GNB4: variants seen among roughly 807,000 people sequenced by gnomAD.
The protein encoded by GNB4 is guanine nucleotide-binding protein subunit beta-4.
GNB4 carries 28 observed loss-of-function variants against 45.2 expected under a neutral mutation model. The observed-to-expected ratio is 0.62, with a 90% CI of 0.46 to 0.85. The LOEUF is 0.85. Ranked by LOEUF, GNB4 falls within the 40% of genes least tolerant of loss-of-function variation. The probability of loss-of-function intolerance (pLI) is 0.00; values close to 1 mark genes in which losing one functional copy is unlikely to be tolerated. For synonymous variants in GNB4, 132 were observed against 143.7 expected (o/e 0.92, Z 0.58); for missense variants, 321 against 425.4 (o/e 0.75, Z 2.16).
At chr3:179,485,356 A>G in the GNB4 span, among the ~76,000 whole-genome samples, 5 of 152,112 alleles carry the variant, frequency 3.3e-5, no homozygotes, top group African/African-American at 4.8e-5. Flanking sequence ...AATGAACTCA[A>G]TTGTACCTAT....
intron 1 of GNB4, among the ~76,000 whole-genome samples, chr3:179,447,231 C>A (rs1715755723): frequency 6.6e-6 from 1 of 151,440 alleles, no homozygotes; most frequent in Non-Finnish European, 1.5e-5. Flanking sequence ...ACCTGACATG[C>A]TGGACCTACA....
the GNB4 span, among the ~76,000 whole-genome samples, chr3:179,471,251 T>A: frequency 6.6e-6 from 1 of 152,154 alleles, no homozygotes; most frequent in Non-Finnish European, 1.5e-5. Context: ...TTTTATAAAT[T>A]TAGCGTAGCC....
chr3:179,447,683 G>C (rs1398004727), intron 1 of GNB4, among the ~76,000 whole-genome samples: 1 of 152,232 alleles, frequency 6.6e-6, no homozygotes, highest in African/African-American at 2.4e-5. Flanking sequence ...AATACAGTTT[G>C]ACACCAGGGT....
chr3:179,500,260 T>G, the GNB4 span, among the ~76,000 whole-genome samples: 1 of 152,254 alleles, frequency 6.6e-6, no homozygotes, highest in African/African-American at 2.4e-5. Flanking sequence ...AATTTTTGTA[T>G]AAGGTGTAAG....
chr3:179,419,877 T>C (rs1431418771), intron 3 of GNB4, among the ~76,000 whole-genome samples: 4 of 152,042 alleles, frequency 2.6e-5, no homozygotes, highest in South Asian at 2.1e-4. Context: ...AGAAAGCCAA[T>C]TTTATATTTG....
the GNB4 span, among the ~76,000 whole-genome samples, chr3:179,461,442 A>G: frequency 6.6e-6 from 1 of 150,774 alleles, no homozygotes; most frequent in Non-Finnish European, 1.5e-5. Flanking sequence ...GCTTGCAGTG[A>G]GCCGAGATTG....
the GNB4 span, among the ~76,000 whole-genome samples, chr3:179,476,179 G>A: frequency 6.6e-6 from 1 of 152,194 alleles, no homozygotes; most frequent in Non-Finnish European, 1.5e-5. Context: ...TGTTGGGACA[G>A]GCATAGAATA....
At chr3:179,485,216 G>T in the GNB4 span, among the ~76,000 whole-genome samples, 17 of 151,966 alleles carry the variant, frequency 1.1e-4, no homozygotes, top group African/African-American at 4.1e-4. Flanking sequence ...GTTTCACCGT[G>T]TTAGCCAGGA....
At chr3:179,489,007 A>ATATAT in the GNB4 span, among the ~76,000 whole-genome samples, 31 of 37,248 alleles carry the variant, frequency 8.3e-4, no homozygotes, top group Middle Eastern at 0.013. Flanking sequence ...AAAAAAAAAA[A>ATATAT]AAAAAAAAAA....
At chr3:179,426,059 A>C (rs1663013897) in intron 2 of GNB4, 85 bp downstream of exon 2, 2 of 1,008,868 alleles carry the variant, frequency 2.0e-6, no homozygotes, top group Non-Finnish European at 3.1e-6. Context: ...GAAATCATTT[A>C]ATATAGACTG....
At chr3:179,485,476 G>T in the GNB4 span, among the ~76,000 whole-genome samples, 1 of 152,108 alleles carries the variant, frequency 6.6e-6, no homozygotes, top group Admixed American at 6.6e-5. Context: ...TTCCATTTGG[G>T]TAATATATCT....
chr3:179,482,536 T>A, the GNB4 span, among the ~76,000 whole-genome samples: 21 of 152,306 alleles, frequency 1.4e-4, no homozygotes, highest in Admixed American at 1.4e-3. Flanking sequence ...AAAGATAGAA[T>A]CCCTCTTTCC....
chr3:179,485,000 G>GT, the GNB4 span, among the ~76,000 whole-genome samples: 76 of 124,222 alleles, frequency 6.1e-4, 5 homozygotes, highest in African/African-American at 2.3e-3. Flanking sequence ...AACTTTTTTC[G>GT]TTTTGTTTTT....
rs375317276 is a variant in GNB4, at chr3:179,433,962, TATTAG to T, written c.-42-7725_-42-7721del. Among the ~76,000 whole-genome samples, 92 of 152,348 alleles carry T rather than the reference TATTAG, an allele frequency of 6.0e-4. 1 individual carries two copies. The highest frequency in any genetic ancestry group is 2.2e-3 in the African/African-American group (91 of 41,576). ...TTAAAATAAGATAGAATGTCATGCC[TATTAG>T]ATTAATAACATTTTATGTCTCAACC... On this transcript the variant is annotated intron_variant, in intron 1 of 9. Transcript: ENST00000232564.
chr3:179,446,750 T>A (rs1715742630), intron 1 of GNB4, among the ~76,000 whole-genome samples: 1 of 152,222 alleles, frequency 6.6e-6, no homozygotes, highest in Non-Finnish European at 1.5e-5. Flanking sequence ...CTTGTTAGCT[T>A]TCAGAGAAGC....
chr3:179,462,656 T>C, the GNB4 span, among the ~76,000 whole-genome samples: 4 of 152,132 alleles, frequency 2.6e-5, no homozygotes, highest in African/African-American at 9.7e-5. Context: ...CTGGCCAATA[T>C]GGTGAAATCC....
At chr3:179,406,011 A>G (rs1714460933) in intron 8 of GNB4, 1 of 152,122 alleles carries the variant, frequency 6.6e-6, no homozygotes, top group Non-Finnish European at 1.5e-5. Context: ...CTCCTACACA[A>G]TGGTGTTTTG....
intron 9 of GNB4, among the ~76,000 whole-genome samples, chr3:179,401,744 G>A (rs1010726703): frequency 6.6e-6 from 1 of 152,090 alleles, no homozygotes; most frequent in Admixed American, 6.5e-5. Flanking sequence ...TTCACCACAG[G>A]AACGACAAAA....
At chr3:179,521,291 G>A in the GNB4 span, among the ~76,000 whole-genome samples, 1 of 152,030 alleles carries the variant, frequency 6.6e-6, no homozygotes, top group African/African-American at 2.4e-5. Flanking sequence ...GGTATTCAGC[G>A]AACTCATGGT....
Sources: gnomAD v4.1 joint callset for allele counts (sites outside exome capture counted in the v4.1 genomes callset) on GRCh38, gnomAD v4.1.1 for gene constraint, MANE v1.5 for transcripts, NCBI Gene and HGNC (gene_info 2026-07-23, HGNC 2026-07-21) for gene names.